Variants in BIRC2 observed in about 807,000 individuals in gnomAD.
BIRC2 encodes the protein baculoviral IAP repeat-containing protein 2.
Under a neutral mutation model 60.9 loss-of-function variants are expected in BIRC2, and 18 were observed. The observed-to-expected ratio is 0.30, with a 90% CI of 0.20 to 0.44. The LOEUF (loss-of-function observed/expected upper bound fraction) is 0.44. Among genes scored for constraint, BIRC2 ranks in the 20% least tolerant of loss-of-function variants. The pLI, the probability that BIRC2 is intolerant of heterozygous loss-of-function variation, is 1.00. For synonymous variants in BIRC2, 282 were observed against 247.7 expected (o/e 1.14, Z -1.30); for missense variants, 701 against 728.5 (o/e 0.96, Z 0.43).
intron 3 of BIRC2, among the ~76,000 whole-genome samples, chr11:102,358,251 A>G (rs74984572): frequency 0.02 from 2,972 of 152,280 alleles, 113 homozygotes; most frequent in African/African-American, 0.067. Context: ...AGTATCCCCA[A>G]TCCAAAAATC....
At chr11:102,363,369 G>A (rs1951506872) in intron 4 of BIRC2, among the ~76,000 whole-genome samples, 1 of 152,156 alleles carries the variant, frequency 6.6e-6, no homozygotes, top group Non-Finnish European at 1.5e-5. Context: ...CTTGTTAGGA[G>A]CTGAGACCCT....
In BIRC2 at chr11:102,349,798, C is replaced by G; in HGVS notation, c.-57C>G. 1 of 1,489,996 alleles carries G rather than the reference C, an allele frequency of 6.7e-7. No homozygotes were observed. The highest frequency in any genetic ancestry group is 9.0e-7 in the Non-Finnish European group (1 of 1,109,388). 92.3% of individuals were successfully genotyped at this position (1,489,996 alleles called of 1,614,324 possible). ...TCTTTTTGTGGTAAAAATCTTAGTT[C>G]ATGTGAAGAAATTTCATGTGAATGT... On this transcript the variant is annotated 5_prime_UTR_variant, in exon 2 of 9. Coordinates refer to ENST00000227758, the MANE Select transcript of BIRC2 (RefSeq NM_001166.5).
chr11:102,376,328 T>G (rs1486480989), intron 6 of BIRC2, among the ~76,000 whole-genome samples: 1 of 152,130 alleles, frequency 6.6e-6, no homozygotes, highest in Non-Finnish European at 1.5e-5. Flanking sequence ...GGGAATGACA[T>G]GGAGATCTTG....
chr11:102,377,707 C>G lies in BIRC2; in HGVS notation c.1578C>G (p.Asn526Lys). 1 of 1,608,742 alleles carries G rather than the reference C, an allele frequency of 6.2e-7. No homozygotes were observed. Among genetic ancestry groups the G allele is most frequent in the Non-Finnish European group, 8.5e-7 (1 of 1,178,806 alleles). Residue 526 changes from asparagine (N) to lysine (K), a missense_variant, in exon 7 of 9, where the codon AAC becomes AAG. Asn to Lys is a moderately conservative substitution (Grantham distance 94). This residue lies in a region of BIRC2 where 235 missense variants were observed against 208.9 expected (regional missense o/e 1.12). Coordinates refer to ENST00000227758, the MANE Select transcript of BIRC2 (RefSeq NM_001166.5). ...ATGCTGCGGCCAACATCTTCAAAAA[C>G]TGTCTAAAAGAAATTGACTCTACAT... The part of the protein sequence containing the change: ...KGNAAANIFK[N>K]CLKEIDSTLY...
At position 102,378,045 on chromosome 11, in the gene BIRC2, G is replaced by A; in HGVS notation, c.1719G>A (p.Val573=). 1.2e-6 allele frequency: 2 copies of A among 1,613,646 alleles called. No homozygotes were observed. The highest frequency in any genetic ancestry group is 1.7e-6 in the Non-Finnish European group (2 of 1,179,800). Reference sequence around the variant, plus strand: ...TGCAAGAAGAACGAACTTGTAAAGTGTGTATGGACAAAGAAGTTTCTGTTG... The same window carrying A: ...TGCAAGAAGAACGAACTTGTAAAGTATGTATGGACAAAGAAGTTTCTGTTG... The part of the protein sequence containing the change: ...RRLQEERTCK[V]CMDKEVSVVF... Residue 573 remains valine, a synonymous_variant, in exon 9 of 9, where the codon GTG becomes GTA. Coordinates refer to ENST00000227758, the MANE Select transcript of BIRC2 (RefSeq NM_001166.5).
rs1189232434 is a variant in BIRC2, at chr11:102,377,615, A to G, written c.1486A>G (p.Ile496Val). Residue 496 changes from isoleucine (I) to valine (V), a missense_variant, in exon 7 of 9, where the codon ATT (isoleucine) becomes GTT (valine). Physicochemically the swap from Ile to Val is conservative, Grantham distance 29 (BLOSUM62 3). Around this residue, in one of 4 missense-constraint regions of BIRC2, gnomAD observed 235 missense variants for 208.9 expected, o/e 1.12. Transcript: ENST00000227758. The stretch of plus-strand genomic sequence containing the variant: ...AATTAATAAACAGGAACATGATATT[A>G]TTAAACAAAAAACACAGATACCTTT... ...NVINKQEHDI[I>V]KQKTQIPLQA... The G allele has an allele frequency of 6.2e-7, 1 of 1,612,118 alleles. No individual in the cohort carries two copies. Among genetic ancestry groups the G allele is most frequent in the Admixed American group, 1.7e-5 (1 of 59,408 alleles).
chr11:102,354,551 G>T (rs1951399295), intron 3 of BIRC2, among the ~76,000 whole-genome samples: 1 of 152,152 alleles, frequency 6.6e-6, no homozygotes, highest in African/African-American at 2.4e-5. Context: ...CCATATAGCT[G>T]CTTGAACATG....
intron 6 of BIRC2, among the ~76,000 whole-genome samples, chr11:102,376,195 G>A (rs1339661000): frequency 6.6e-6 from 1 of 152,142 alleles, no homozygotes; most frequent in Non-Finnish European, 1.5e-5. Flanking sequence ...GGCAAGTAAG[G>A]AATACGGAAG....
At chr11:102,375,141 C>G (rs1457442511) in intron 6 of BIRC2, among the ~76,000 whole-genome samples, 1 of 152,238 alleles carries the variant, frequency 6.6e-6, no homozygotes, top group Admixed American at 6.5e-5. Context: ...GTCGCTCACG[C>G]TGGGAGCTGT....
intron 3 of BIRC2, among the ~76,000 whole-genome samples, chr11:102,360,784 G>GTTTTTTTTTTTTTTTTTTTTTTT (rs200030086): frequency 7.7e-6 from 1 of 129,346 alleles, no homozygotes; most frequent in Non-Finnish European, 1.7e-5. Context: ...TGTTTTTTTT[G>GTTTTTTTTTTTTTTTTTTTTTTT]TTTTTTTTTT....
Position 102,378,171 on chromosome 11 carries a change from A to C in BIRC2, c.1845A>C (p.Thr615=). Reference sequence around the variant, plus strand: ...GTATAATCAAGGGTACTGTTCGTACATTTCTCTCTTAAAGAAAAATAGTCT... The same window carrying C: ...GTATAATCAAGGGTACTGTTCGTACCTTTCTCTCTTAAAGAAAAATAGTCT... ...CRGIIKGTVR[T]FLS Residue 615 remains threonine (T), a synonymous_variant, in exon 9 of 9, where the codon ACA becomes ACC. Coordinates refer to ENST00000227758, the MANE Select transcript of BIRC2 (RefSeq NM_001166.5). 1 of 1,585,208 alleles carries C rather than the reference A, an allele frequency of 6.3e-7. No individual in the cohort carries two copies. Among genetic ancestry groups the C allele is most frequent in the Non-Finnish European group, 8.5e-7 (1 of 1,171,168 alleles).
At position 102,378,156 on chromosome 11, in the gene BIRC2, G is replaced by A. The variant is rs1023015598; in HGVS notation, c.1830G>A (p.Lys610=). The change falls in exon 9 of 9, where the codon AAG becomes AAA. Residue 610 remains lysine (K), a synonymous_variant. Coordinates refer to ENST00000227758, the MANE Select transcript of BIRC2 (RefSeq NM_001166.5). The part of the protein sequence containing the change: ...RKCPICRGII[K]GTVRTFLS ...GCCCTATTTGCAGGGGTATAATCAA[G>A]GGTACTGTTCGTACATTTCTCTCTT... 2.5e-6 allele frequency: 4 copies of A among 1,607,748 alleles called. No homozygotes were observed. The highest frequency in any genetic ancestry group is 1.3e-5 in the African/African-American group (1 of 74,494).
intron 6 of BIRC2, 54 bp from the exon 7 acceptor site, chr11:102,377,442 T>C: frequency 6.7e-7 from 1 of 1,496,298 alleles, no homozygotes. Context: ...ACTATATGAG[T>C]ATAGTTAAAG....
At chr11:102,357,203 C>T (rs997027830) in intron 3 of BIRC2, among the ~76,000 whole-genome samples, 7 of 152,104 alleles carry the variant, frequency 4.6e-5, no homozygotes, top group Non-Finnish European at 1.0e-4. Flanking sequence ...GCTTTGGTAT[C>T]AGAGTAATGC....
intron 3 of BIRC2, among the ~76,000 whole-genome samples, chr11:102,351,845 G>A (rs1212603447): frequency 2.6e-5 from 4 of 152,016 alleles, no homozygotes; most frequent in Non-Finnish European, 4.4e-5. Context: ...GAACTTGGAC[G>A]TTGTTTGTAA....
intron 5 of BIRC2, among the ~76,000 whole-genome samples, chr11:102,366,835 C>T (rs147097374): frequency 6.6e-6 from 1 of 152,158 alleles, no homozygotes; most frequent in Non-Finnish European, 1.5e-5. Flanking sequence ...TGAAACACTC[C>T]TAGAATATTC....
In BIRC2 at chr11:102,359,326, A is replaced by T. The variant is rs1266893374; in HGVS notation, c.996-3570A>T. Among the ~76,000 whole-genome samples, 4 of 152,296 alleles carry T rather than the reference A, an allele frequency of 2.6e-5. No individual in the cohort carries two copies. The South Asian group carries it at 6.2e-4, about 24-fold the overall frequency. The stretch of plus-strand genomic sequence containing the variant: ...TGAAAAAATTATTGAAGCTATAGTT[A>T]TTTTTAATACTTTTTTTTAAAAACC... On this transcript the variant is annotated intron_variant, in intron 3 of 8. Transcript: ENST00000227758.
intron 3 of BIRC2, among the ~76,000 whole-genome samples, chr11:102,353,451 T>C (rs1424405720): frequency 6.6e-6 from 1 of 151,984 alleles, no homozygotes; most frequent in Non-Finnish European, 1.5e-5. Flanking sequence ...CCCGAGTAGC[T>C]GGAATTATAG....
chr11:102,360,558 T>A (rs991285513), intron 3 of BIRC2, among the ~76,000 whole-genome samples: 52 of 152,198 alleles, frequency 3.4e-4, no homozygotes, highest in African/African-American at 1.1e-3. Flanking sequence ...TTATCTGTGT[T>A]CTTTTGTAGC....
Sources: allele counts gnomAD v4.1 joint callset (sites outside exome capture counted in the v4.1 genomes callset), GRCh38; gene constraint gnomAD v4.1.1; regional missense constraint gnomAD v4.1.1; transcripts MANE v1.5; gene names NCBI Gene and HGNC (gene_info 2026-07-23, HGNC 2026-07-21).